STK32B: variants seen among roughly 807,000 people sequenced by gnomAD.
The protein encoded by STK32B is serine/threonine-protein kinase 32B.
Under a neutral mutation model 52.6 loss-of-function variants are expected in STK32B, and 43 were observed. The ratio of observed to expected loss-of-function variants is 0.82; its 90% CI spans 0.64 to 1.05. The LOEUF (loss-of-function observed/expected upper bound fraction) is 1.05. STK32B is among the 50% of genes least tolerant of loss of function. The probability of loss-of-function intolerance (pLI) is 0.00; values close to 1 mark genes in which losing one functional copy is unlikely to be tolerated. For synonymous variants in STK32B, 238 were observed against 204.3 expected (o/e 1.17, Z -1.41); for missense variants, 621 against 534.6 (o/e 1.16, Z -1.59).
At chr4:5,405,734 T>A (rs907976845) in intron 5 of STK32B, among the ~76,000 whole-genome samples, 45 of 152,182 alleles carry the variant, frequency 3.0e-4, no homozygotes, top group African/African-American at 1.1e-3. Context: ...TGATAACTAA[T>A]TCATTATTAT....
chr4:5,307,351 G>GT (rs1388637411), intron 3 of STK32B, among the ~76,000 whole-genome samples: 1 of 151,946 alleles, frequency 6.6e-6, no homozygotes, highest in African/African-American at 2.4e-5. Flanking sequence ...TTTATTCTTT[G>GT]TTTTTGTCAG....
chr4:5,466,471 T>A (rs1009587036), intron 9 of STK32B, among the ~76,000 whole-genome samples: 1 of 152,182 alleles, frequency 6.6e-6, no homozygotes, highest in Admixed American at 6.5e-5. Context: ...AATACCTGGA[T>A]GTTAACAGGA....
At chr4:5,141,899 A>C (rs527266687) in intron 2 of STK32B, among the ~76,000 whole-genome samples, 5 of 151,958 alleles carry the variant, frequency 3.3e-5, no homozygotes, top group Non-Finnish European at 7.4e-5. Context: ...TCTGTGTATC[A>C]CATCTTCACA....
intron 7 of STK32B, among the ~76,000 whole-genome samples, chr4:5,450,059 G>C (rs1251930758): frequency 6.6e-6 from 1 of 152,166 alleles, no homozygotes; most frequent in African/African-American, 2.4e-5. Context: ...ACCAGTCCCT[G>C]GTGCCAAAAA....
intron 3 of STK32B, among the ~76,000 whole-genome samples, chr4:5,279,369 A>G (rs4314222): frequency 0.2 from 29,967 of 152,206 alleles, 6,124 homozygotes; most frequent in African/African-American, 0.52. Context: ...TTAAAGCTCC[A>G]AAATAATCTT....
At chr4:5,251,220 G>A (rs1725906383) in intron 3 of STK32B, among the ~76,000 whole-genome samples, 2 of 152,162 alleles carry the variant, frequency 1.3e-5, no homozygotes, top group South Asian at 2.1e-4. Context: ...AATCCATCTT[G>A]TGTTGGTTTT....
intron 9 of STK32B, among the ~76,000 whole-genome samples, chr4:5,461,088 AG>A (rs1483998557): frequency 6.6e-6 from 1 of 152,118 alleles, no homozygotes; most frequent in Non-Finnish European, 1.5e-5. Context: ...TTTCTCCTAG[AG>A]GGAATTGCAG....
chr4:5,346,692 TTAA>T lies in STK32B; in HGVS notation c.434+15300_434+15302del, dbSNP rs1387282622. 5.3e-5 allele frequency among the ~76,000 whole-genome samples: 8 copies of T among 152,266 alleles called. No individual in the cohort carries two copies. In the South Asian group the frequency reaches 1.0e-3, roughly 20 times the overall value. On this transcript the variant is annotated intron_variant, in intron 4 of 11. Transcript: ENST00000282908. ...CTCTGGACATGATTTTGCTACTCTA[TTAA>T]CAAGGAGGAGTGCTCACCTCCCACA...
At chr4:5,249,422 T>TCTTC (rs72091426) in intron 3 of STK32B, among the ~76,000 whole-genome samples, 15 of 131,542 alleles carry the variant, frequency 1.1e-4, no homozygotes, top group African/African-American at 4.0e-4. Flanking sequence ...GCCTGTCTGT[T>TCTTC]CTTCCTTCCT....
At chr4:5,072,939 C>T (rs1452774208) in intron 1 of STK32B, among the ~76,000 whole-genome samples, 1 of 151,904 alleles carries the variant, frequency 6.6e-6, no homozygotes, top group African/African-American at 2.4e-5. Flanking sequence ...ATGAATTGAC[C>T]CTTTATCATT....
chr4:5,413,012 C>CG (rs1266232952), intron 5 of STK32B, among the ~76,000 whole-genome samples: 1 of 152,144 alleles, frequency 6.6e-6, no homozygotes. Context: ...GCTGGTTCCC[C>CG]ACACAGCCCT....
At position 5,400,931 on chromosome 4, in the gene STK32B, G is replaced by A. The variant is rs1285324880; in HGVS notation, c.472+2687G>A. 6.7e-6 allele frequency among the ~76,000 whole-genome samples: 1 copy of A among 149,572 alleles called. No individual in the cohort carries two copies. The highest frequency in any genetic ancestry group is 1.5e-5 in the Non-Finnish European group (1 of 67,820). On this transcript the variant is annotated intron_variant, in intron 5 of 11. Coordinates refer to ENST00000282908, the MANE Select transcript of STK32B (RefSeq NM_018401.3). This position sits in a 1 kb window ranked among gnomAD's most constrained non-coding sequence, Gnocchi z 6.1. ...GTTGGGGAGAGTGTGGGGAAGCTCA[G>A]GAGAGGTCGGGCAGAGGGGAGAGGG...
At chr4:5,212,750 A>G (rs537242840) in intron 3 of STK32B, among the ~76,000 whole-genome samples, 1 of 152,228 alleles carries the variant, frequency 6.6e-6, no homozygotes, top group South Asian at 2.1e-4. Flanking sequence ...CAATTTGGAC[A>G]TAAGTGTCAT....
chr4:5,343,265 C>T (rs1464014101), intron 4 of STK32B, among the ~76,000 whole-genome samples: 1 of 152,044 alleles, frequency 6.6e-6, no homozygotes, highest in African/African-American at 2.4e-5. Flanking sequence ...CATGTCCCTA[C>T]AAAGGACATG....
chr4:5,323,269 C>T lies in STK32B; in HGVS notation c.261-7951C>T, dbSNP rs185398687. 3.9e-5 allele frequency among the ~76,000 whole-genome samples: 6 copies of T among 152,160 alleles called. No individual in the cohort carries two copies. In the East Asian group the frequency reaches 1.2e-3, roughly 30 times the overall value. The stretch of plus-strand genomic sequence containing the variant: ...TTCTGAAATGGAATCACCTCCGAGG[C>T]ACAGGAAACGGTGATCACCTGCAAG... On this transcript the variant is annotated intron_variant, in intron 3 of 11. Coordinates refer to ENST00000282908, the MANE Select transcript of STK32B (RefSeq NM_018401.3).
At chr4:5,245,527 A>G (rs372015452) in intron 3 of STK32B, among the ~76,000 whole-genome samples, 23 of 152,202 alleles carry the variant, frequency 1.5e-4, no homozygotes, top group South Asian at 6.2e-4. Context: ...TCTTTATCCA[A>G]TTTGCCAGTC....
chr4:5,226,478 C>T (rs1045753684), intron 3 of STK32B, among the ~76,000 whole-genome samples: 5 of 152,118 alleles, frequency 3.3e-5, no homozygotes, highest in African/African-American at 1.2e-4. Flanking sequence ...GCCCACCGTT[C>T]GGAAAAGCAT....
At chr4:5,279,273 C>T (rs1264081396) in intron 3 of STK32B, among the ~76,000 whole-genome samples, 1 of 152,136 alleles carries the variant, frequency 6.6e-6, no homozygotes, top group Non-Finnish European at 1.5e-5. Context: ...GGGTAAATGC[C>T]CCTATTCCAA....
chr4:5,358,718 C>CACAT (rs1734340901), intron 4 of STK32B, among the ~76,000 whole-genome samples: 1 of 146,082 alleles, frequency 6.8e-6, no homozygotes, highest in African/African-American at 2.6e-5. Context: ...CACACACACA[C>CACAT]ACACAGGCAC....
Sources: gnomAD v4.1 joint callset for allele counts (sites outside exome capture counted in the v4.1 genomes callset) on GRCh38, gnomAD v4.1.1 for gene constraint, Gnocchi (gnomAD v3.1) non-coding constraint, MANE v1.5 for transcripts, NCBI Gene and HGNC (gene_info 2026-07-23, HGNC 2026-07-21) for gene names.